WDR37: variants seen among roughly 807,000 people sequenced by gnomAD.
The protein encoded by WDR37 is WD repeat-containing protein 37.
Under a neutral mutation model 62.9 loss-of-function variants are expected in WDR37, and 19 were observed. The observed-to-expected ratio is 0.30, with a 90% CI of 0.21 to 0.44. The LOEUF (loss-of-function observed/expected upper bound fraction) is 0.44, where lower values mean the gene tolerates loss of function less well. Among genes scored for constraint, WDR37 ranks in the 20% least tolerant of loss-of-function variants. The pLI, the probability that WDR37 is intolerant of heterozygous loss-of-function variation, is 1.00. For synonymous variants in WDR37, 250 were observed against 260.9 expected (o/e 0.96, Z 0.40); for missense variants, 474 against 657.6 (o/e 0.72, Z 3.05).
At chr10:1,063,340 A>C (rs905431610) in intron 1 of WDR37, among the ~76,000 whole-genome samples, 2 of 152,214 alleles carry the variant, frequency 1.3e-5, no homozygotes, top group Non-Finnish European at 2.9e-5. Context: ...TTCGATGGTA[A>C]GTACTTTCCT....
chr10:1,101,585 T>C lies in WDR37; in HGVS notation c.727-2017T>C, dbSNP rs534117576. Among the ~76,000 whole-genome samples the C allele has an allele frequency of 7.9e-5, 12 of 152,292 alleles. No homozygotes were observed. The East Asian group carries it at 2.3e-3, about 29-fold the overall frequency. On this transcript the variant is annotated intron_variant, in intron 9 of 13. Coordinates refer to ENST00000263150, the MANE Select transcript of WDR37 (RefSeq NM_014023.4). ...CATAGCAGCCCCTTCCACTGTTCCC[T>C]CCGCAGTTTGTTCACACAGCACACA... is the stretch of plus-strand genomic sequence containing the variant.
At chr10:1,059,079 A>C (rs7101191) in intron 1 of WDR37, among the ~76,000 whole-genome samples, 22,951 of 152,192 alleles carry the variant, frequency 0.15, 2,018 homozygotes, top group East Asian at 0.19. Context: ...TGAAAGTGTA[A>C]ATTAAGAATT....
chr10:1,129,103 T>C (rs2131703199), intron 13 of WDR37, 110 bp from the exon 14 acceptor site: 1 of 1,476,350 alleles, frequency 6.8e-7, no homozygotes, highest in Admixed American at 2.0e-5. Flanking sequence ...ACCATGTTGT[T>C]TTCCTATAAC....
intron 11 of WDR37, among the ~76,000 whole-genome samples, chr10:1,113,950 C>CTTTT (rs56654628): frequency 0.46 from 34,528 of 75,538 alleles, 9,854 homozygotes; most frequent in South Asian, 0.55. Flanking sequence ...GGTAAAATGC[C>CTTTT]TTTTTTTTTT....
rs1477011067 is a variant in WDR37, at chr10:1,129,478, A to G, written c.*134A>G. The G allele has an allele frequency of 1.5e-6, 2 of 1,300,196 alleles. No homozygotes were observed. Among genetic ancestry groups the G allele is most frequent in the African/African-American group, 1.5e-5 (1 of 67,654 alleles). 80.5% of individuals were successfully genotyped at this position (1,300,196 alleles called of 1,614,324 possible). A position where few individuals can be genotyped will look rare whatever the true frequency, so the allele number is the denominator to read the frequency against. ...GGTGCTTTGTATATGTTCTTTTCAC[A>G]TAGTGCCCAGCTTGCATGAAATGTA... On this transcript the variant is annotated 3_prime_UTR_variant, in exon 14 of 14. Transcript: ENST00000263150.
intron 1 of WDR37, among the ~76,000 whole-genome samples, chr10:1,066,796 T>A (rs1393292864): frequency 6.6e-6 from 1 of 152,214 alleles, no homozygotes; most frequent in Non-Finnish European, 1.5e-5. Context: ...TTTATTGGAC[T>A]TACAGTTCCA....
chr10:1,098,540 C>T lies in WDR37; in HGVS notation c.726+2294C>T, dbSNP rs1031561693. On this transcript the variant is annotated intron_variant, in intron 9 of 13. Coordinates refer to ENST00000263150, the MANE Select transcript of WDR37 (RefSeq NM_014023.4). ...ATGGGGTTTCACCACGTTCGCCAGA[C>T]GGTCTCAATCTCTTGACCTCGTGAT... Among the ~76,000 whole-genome samples the T allele has an allele frequency of 1.1e-4, 17 of 152,264 alleles. No homozygotes were observed. In the East Asian group the frequency reaches 1.4e-3, roughly 12 times the overall value.
At chr10:1,086,231 A>C in intron 6 of WDR37, 55 bp from the exon 7 acceptor site, 4 of 1,478,678 alleles carry the variant, frequency 2.7e-6, no homozygotes, top group Non-Finnish European at 3.8e-6. Context: ...CTTTCATTTG[A>C]AAAACTATAA....
intron 1 of WDR37, among the ~76,000 whole-genome samples, chr10:1,058,300 G>C (rs1833266148): frequency 6.6e-6 from 1 of 152,198 alleles, no homozygotes; most frequent in Admixed American, 6.5e-5. Flanking sequence ...TACTGGGAAG[G>C]TTACGTTATG....
At chr10:1,075,675 G>A (rs1833858628) in intron 2 of WDR37, among the ~76,000 whole-genome samples, 1 of 152,124 alleles carries the variant, frequency 6.6e-6, no homozygotes, top group Non-Finnish European at 1.5e-5. Flanking sequence ...CTTGTGGGGA[G>A]GGATGTTCAC....
At chr10:1,114,394 A>G (rs1459949596) in intron 11 of WDR37, among the ~76,000 whole-genome samples, 2 of 152,256 alleles carry the variant, frequency 1.3e-5, no homozygotes, top group African/African-American at 4.8e-5. Context: ...CACCCTTATC[A>G]GTCAGCAGCC....
rs1026197321 is a variant in WDR37 at position 1,129,227 on chromosome 10, G to T, written c.1368G>T (p.Met456Ile). 1.9e-6 allele frequency: 3 copies of T among 1,614,012 alleles called. No individual in the cohort carries two copies. Among genetic ancestry groups the T allele is most frequent in the Non-Finnish European group, 2.5e-6 (3 of 1,180,006 alleles). ...PRSSRQGHRRMVCCSAWSEDH... is the reference protein window; with the variant it reads ...PRSSRQGHRRIVCCSAWSEDH... ...ATCATCACTAGGGCCACAGGAGAAT[G>T]GTATGCTGCTCGGCATGGAGTGAAG... Residue 456 changes from methionine to isoleucine, a missense_variant, in exon 14 of 14, where the codon ATG becomes ATT. Transcript: ENST00000263150.
In WDR37 at chr10:1,065,166, A is replaced by G. The variant is rs545050096; in HGVS notation, c.-40-6950A>G. On this transcript the variant is annotated intron_variant, in intron 1 of 13. Coordinates refer to ENST00000263150, the MANE Select transcript of WDR37 (RefSeq NM_014023.4). ...ATATCGGTCAATTTAGTATTCGTTT[A>G]TTTTCTAAATTGTGTTTGGAATTTG... Among the ~76,000 whole-genome samples, 7 of 152,278 alleles carry G rather than the reference A, an allele frequency of 4.6e-5. No individual in the cohort carries two copies. In the East Asian group the frequency reaches 1.3e-3, roughly 29 times the overall value.
intron 1 of WDR37, among the ~76,000 whole-genome samples, chr10:1,064,581 A>G (rs1033493281): frequency 1.0e-5 from 1 of 98,844 alleles, no homozygotes. Flanking sequence ...GTGACAATGG[A>G]TCTTTTTTTT....
At chr10:1,067,408 A>G (rs963190035) in intron 1 of WDR37, among the ~76,000 whole-genome samples, 3 of 152,244 alleles carry the variant, frequency 2.0e-5, no homozygotes, top group African/African-American at 4.8e-5. Flanking sequence ...TCATGACTTT[A>G]AAAGTGTGAT....
intron 11 of WDR37, among the ~76,000 whole-genome samples, chr10:1,113,973 T>TTTTTA (rs1554825604): frequency 6.9e-6 from 1 of 144,640 alleles, no homozygotes; most frequent in Non-Finnish European, 1.5e-5. Flanking sequence ...TTTTTTTTTT[T>TTTTTA]AAGATGGGAG....
At chr10:1,106,824 C>T (rs1293734112) in intron 11 of WDR37, among the ~76,000 whole-genome samples, 6 of 152,142 alleles carry the variant, frequency 3.9e-5, no homozygotes, top group African/African-American at 7.2e-5. Context: ...GCCAGGACAA[C>T]GTTTTTAAAA....
intron 1 of WDR37, among the ~76,000 whole-genome samples, chr10:1,063,490 G>A (rs1420717297): frequency 6.6e-6 from 1 of 152,160 alleles, no homozygotes; most frequent in African/African-American, 2.4e-5. Flanking sequence ...ATCAGAGGCT[G>A]AGCAGGTACT....
rs1835924700 is a variant in WDR37 at position 1,130,365 on chromosome 10, C to G, written c.*1021C>G. ...GTTCAGAAGGCAGGAAAGACAGTCA[C>G]ACCGACGTGTCCTGAAGGTGTAGGC... On this transcript the variant is annotated 3_prime_UTR_variant, in exon 14 of 14. Coordinates refer to ENST00000263150, the MANE Select transcript of WDR37 (RefSeq NM_014023.4). 6.6e-6 allele frequency: 1 copy of G among 152,668 alleles called. No individual in the cohort carries two copies. The highest frequency in any genetic ancestry group is 1.5e-5 in the Non-Finnish European group (1 of 68,068). 9.5% of individuals were successfully genotyped at this position (152,668 alleles called of 1,614,324 possible).
Sources: allele counts gnomAD v4.1 joint callset (sites outside exome capture counted in the v4.1 genomes callset), GRCh38; gene constraint gnomAD v4.1.1; transcripts MANE v1.5; gene names NCBI Gene and HGNC (gene_info 2026-07-23, HGNC 2026-07-21).